The following NRF1 variants were observed in gnomAD, a reference collection of about 807,000 sequenced individuals.
NRF1 encodes the protein alpha palindromic-binding protein.
In NRF1, 5 loss-of-function variants were observed where a neutral mutation model predicts 58.5. The observed-to-expected ratio is 0.09, with a 90% CI of 0.04 to 0.18. NRF1 has a LOEUF of 0.18. Ranked by LOEUF, NRF1 falls within the 10% of genes least tolerant of loss-of-function variation. NRF1 has a pLI of 1.00. For synonymous variants in NRF1, 224 were observed against 246.7 expected (o/e 0.91, Z 0.86); for missense variants, 288 against 657.7 (o/e 0.44, Z 6.15).
intron 1 of NRF1, among the ~76,000 whole-genome samples, chr7:129,635,965 A>T (rs771196224): frequency 2.6e-5 from 4 of 152,058 alleles, no homozygotes; most frequent in African/African-American, 4.8e-5. Flanking sequence ...TTAGATTTAA[A>T]CACCTCTTAT....
chr7:129,688,286 C>G (rs970020714), intron 4 of NRF1, among the ~76,000 whole-genome samples: 2 of 152,010 alleles, frequency 1.3e-5, no homozygotes, highest in African/African-American at 4.8e-5. Context: ...ACTACCATGC[C>G]TGGCTAATTT....
chr7:129,638,793 G>A (rs1801225169), intron 1 of NRF1, among the ~76,000 whole-genome samples: 1 of 151,990 alleles, frequency 6.6e-6, no homozygotes, highest in Admixed American at 6.6e-5. Flanking sequence ...TGAGTTTAGT[G>A]ATATCTTTTA....
At chr7:129,636,963 A>G (rs1801179957) in intron 1 of NRF1, among the ~76,000 whole-genome samples, 1 of 152,190 alleles carries the variant, frequency 6.6e-6, no homozygotes, top group Non-Finnish European at 1.5e-5. Context: ...AAAAGCTTGC[A>G]GGCCCCAGTT....
intron 9 of NRF1, among the ~76,000 whole-genome samples, chr7:129,725,838 G>A (rs919779009): frequency 6.6e-6 from 1 of 152,188 alleles, no homozygotes; most frequent in Non-Finnish European, 1.5e-5. Flanking sequence ...TCTATTTAAT[G>A]ACACTTTTCT....
intron 9 of NRF1, among the ~76,000 whole-genome samples, chr7:129,721,784 C>T (rs1334573019): frequency 6.6e-6 from 1 of 152,052 alleles, no homozygotes; most frequent in African/African-American, 2.4e-5. Flanking sequence ...CCTGGCTGCT[C>T]TTAGTCTTTA....
intron 4 of NRF1, among the ~76,000 whole-genome samples, chr7:129,679,474 C>A (rs1338406485): frequency 1.3e-5 from 2 of 152,156 alleles, no homozygotes; most frequent in African/African-American, 2.4e-5. Context: ...AGAATTCTTA[C>A]AACTCAACAA....
intron 3 of NRF1, among the ~76,000 whole-genome samples, chr7:129,676,688 C>A (rs957889902): frequency 3.3e-5 from 5 of 152,128 alleles, no homozygotes; most frequent in African/African-American, 1.2e-4. Context: ...GCTAGAGTTA[C>A]CAAAATGTGA....
intron 5 of NRF1, among the ~76,000 whole-genome samples, chr7:129,706,401 A>T (rs934962770): frequency 6.6e-6 from 1 of 152,240 alleles, no homozygotes; most frequent in East Asian, 1.9e-4. Context: ...CTTGGGCCAA[A>T]AAATTAGAAT....
chr7:129,620,099 G>A (rs1427671555), intron 1 of NRF1, among the ~76,000 whole-genome samples: 1 of 152,076 alleles, frequency 6.6e-6, no homozygotes, highest in Non-Finnish European at 1.5e-5. Flanking sequence ...GGTTGTGTTC[G>A]TTGGCTGAAA....
intron 1 of NRF1, among the ~76,000 whole-genome samples, chr7:129,619,404 A>G (rs1562950061): frequency 6.2e-5 from 4 of 64,754 alleles, no homozygotes; most frequent in Non-Finnish European, 8.4e-5. Context: ...GTGTATATAT[A>G]TATATATATA....
rs1477679800 is a variant in NRF1 at position 129,717,206 on chromosome 7, C to A, written c.1066-13C>A. 1 of 1,581,102 alleles carries A rather than the reference C, an allele frequency of 6.3e-7. No individual in the cohort carries two copies. The highest frequency in any genetic ancestry group is 8.6e-7 in the Non-Finnish European group (1 of 1,166,110). On this transcript the variant is annotated splice_polypyrimidine_tract_variant and intron_variant, in intron 8 of 10. Transcript: ENST00000393232. Reference sequence around the variant, plus strand: ...GGCTTTGTTTTTTTACTATCTTGTCCTTTCTGCCTCAGGTGGAACAAAATT... The same window carrying A: ...GGCTTTGTTTTTTTACTATCTTGTCATTTCTGCCTCAGGTGGAACAAAATT...
At chr7:129,690,601 G>A in intron 5 of NRF1, 55 bp downstream of exon 5, 21 of 1,591,726 alleles carry the variant, frequency 1.3e-5, no homozygotes, top group Non-Finnish European at 1.6e-5. Context: ...AGGTGTGGGC[G>A]GGCCTCTGAT....
At chr7:129,647,903 A>G (rs1334524842) in intron 1 of NRF1, among the ~76,000 whole-genome samples, 2 of 152,188 alleles carry the variant, frequency 1.3e-5, no homozygotes, top group African/African-American at 2.4e-5. Flanking sequence ...TGCTGTTCTC[A>G]GTTCTTAACG....
At chr7:129,709,752 C>T (rs1337315310) in intron 6 of NRF1, among the ~76,000 whole-genome samples, 1 of 127,684 alleles carries the variant, frequency 7.8e-6, no homozygotes, top group East Asian at 2.2e-4. Flanking sequence ...TTTTTTGAGA[C>T]AGAGTCTCAC....
In NRF1 at chr7:129,657,459, T is replaced by C. The variant is rs753641389; in HGVS notation, c.108T>C (p.Ser36=). 5 of 1,614,096 alleles carry C rather than the reference T, an allele frequency of 3.1e-6. No individual in the cohort carries two copies. In the South Asian group the frequency reaches 5.5e-5, roughly 18 times the overall value. The change falls in exon 2 of 11, where the codon AGT becomes AGC. Residue 36 remains serine, a synonymous_variant. Coordinates refer to ENST00000393232, the MANE Select transcript of NRF1 (RefSeq NM_005011.5). ...QVHVATYTEH[S]MLSADEDSPS... ...ATGTGGCTACTTACACCGAGCATAGTATGCTGAGTGCTGATGAAGACTCGC... is the reference window on the plus strand; with the variant it reads ...ATGTGGCTACTTACACCGAGCATAGCATGCTGAGTGCTGATGAAGACTCGC...
At chr7:129,651,561 A>G (rs1455758304) in intron 1 of NRF1, among the ~76,000 whole-genome samples, 1 of 152,190 alleles carries the variant, frequency 6.6e-6, no homozygotes, top group African/African-American at 2.4e-5. Flanking sequence ...TTCTGGAGCA[A>G]AGAATTGAAA....
At chr7:129,635,005 T>C (rs1801137688) in intron 1 of NRF1, among the ~76,000 whole-genome samples, 1 of 152,222 alleles carries the variant, frequency 6.6e-6, no homozygotes, top group Non-Finnish European at 1.5e-5. Context: ...TTTACTCTCT[T>C]TATCTTGCTT....
At chr7:129,619,518 T>G (rs1211773266) in intron 1 of NRF1, among the ~76,000 whole-genome samples, 2 of 127,470 alleles carry the variant, frequency 1.6e-5, no homozygotes, top group African/African-American at 3.1e-5. Context: ...ATATATGTAT[T>G]GTTTTGCTGG....
At chr7:129,657,975 T>C (rs1801696472) in intron 2 of NRF1, among the ~76,000 whole-genome samples, 2 of 152,286 alleles carry the variant, frequency 1.3e-5, no homozygotes, top group African/African-American at 4.8e-5. Flanking sequence ...AGACTTGAGG[T>C]CTGTAATCAC....
Sources: allele counts gnomAD v4.1 joint callset (sites outside exome capture counted in the v4.1 genomes callset), GRCh38; gene constraint gnomAD v4.1.1; transcripts MANE v1.5; gene names NCBI Gene and HGNC (gene_info 2026-07-23, HGNC 2026-07-21).